GLIS1: variants seen among roughly 807,000 people sequenced by gnomAD.
GLIS1 encodes zinc finger protein GLIS1.
GLIS1 carries 24 observed loss-of-function variants against 63.8 expected under a neutral mutation model. The ratio of observed to expected loss-of-function variants is 0.38; its 90% CI spans 0.27 to 0.53. GLIS1 has a LOEUF of 0.53. Ranked by LOEUF, GLIS1 falls within the 20% of genes least tolerant of loss-of-function variation. The pLI is 0.85. For synonymous variants in GLIS1, 450 were observed against 482.5 expected (o/e 0.93, Z 0.88); for missense variants, 1,036 against 1,074.1 (o/e 0.96, Z 0.50).
intron 4 of GLIS1, among the ~76,000 whole-genome samples, chr1:53,590,462 A>G (rs1244595324): frequency 6.6e-6 from 1 of 152,130 alleles, no homozygotes; most frequent in Non-Finnish European, 1.5e-5. Flanking sequence ...CATTGTCATG[A>G]CTTTTCCTTT....
At chr1:53,622,795 C>T (rs1645559450) in intron 2 of GLIS1, among the ~76,000 whole-genome samples, 1 of 152,232 alleles carries the variant, frequency 6.6e-6, no homozygotes, top group African/African-American at 2.4e-5. Flanking sequence ...TGATTTTGGA[C>T]TTCTGGCCTC....
chr1:53,681,980 A>T (rs1646280174), intron 2 of GLIS1, among the ~76,000 whole-genome samples: 1 of 152,080 alleles, frequency 6.6e-6, no homozygotes, highest in Admixed American at 6.5e-5. Flanking sequence ...CACTAACTTA[A>T]ACCACTTTGT....
At chr1:53,678,723 A>G (rs61774765) in intron 2 of GLIS1, among the ~76,000 whole-genome samples, 1,983 of 152,328 alleles carry the variant, frequency 0.013, 22 homozygotes, top group Middle Eastern at 0.058. Flanking sequence ...TGGTACTATC[A>G]GCCAGAACAC....
intron 2 of GLIS1, among the ~76,000 whole-genome samples, chr1:53,606,788 G>A (rs1002284557): frequency 3.9e-5 from 6 of 152,248 alleles, no homozygotes; most frequent in African/African-American, 1.2e-4. Flanking sequence ...CCTGACGCTC[G>A]CGGCCTCACG....
intron 2 of GLIS1, among the ~76,000 whole-genome samples, chr1:53,731,186 G>A (rs1250994542): frequency 6.6e-6 from 1 of 152,162 alleles, no homozygotes; most frequent in East Asian, 1.9e-4. Context: ...CTTCTGAGAA[G>A]CGGTCCCTCC....
intron 2 of GLIS1, among the ~76,000 whole-genome samples, chr1:53,703,539 T>A (rs1646545960): frequency 6.6e-6 from 1 of 150,600 alleles, no homozygotes. Context: ...CTCAGGAGAC[T>A]GAGGCAGGAG....
intron 2 of GLIS1, among the ~76,000 whole-genome samples, chr1:53,725,141 G>T (rs1450739508): frequency 6.6e-6 from 1 of 152,170 alleles, no homozygotes; most frequent in Non-Finnish European, 1.5e-5. Flanking sequence ...GAGGAAAGTT[G>T]TTGGCCTGTA....
At chr1:53,665,481 G>A (rs1646081270) in intron 2 of GLIS1, among the ~76,000 whole-genome samples, 1 of 151,714 alleles carries the variant, frequency 6.6e-6, no homozygotes, top group East Asian at 2.0e-4. Context: ...GTGTAGATGA[G>A]ATCAAGACAG....
chr1:53,558,885 A>C (rs1281684277), intron 4 of GLIS1, among the ~76,000 whole-genome samples: 1 of 152,254 alleles, frequency 6.6e-6, no homozygotes, highest in Non-Finnish European at 1.5e-5. Context: ...ATGTGGCCAG[A>C]AACAAACCAG....
At chr1:53,582,004 A>G (rs1173496560) in intron 4 of GLIS1, among the ~76,000 whole-genome samples, 1 of 152,196 alleles carries the variant, frequency 6.6e-6, no homozygotes, top group African/African-American at 2.4e-5. Context: ...GAGGGGTGGG[A>G]TGACTTGCCC....
intron 4 of GLIS1, among the ~76,000 whole-genome samples, chr1:53,559,061 G>C (rs781222210): frequency 2.0e-5 from 3 of 152,222 alleles, no homozygotes; most frequent in Admixed American, 6.5e-5. Context: ...TGGTAGCAGA[G>C]GTAAGACTCA....
chr1:53,587,414 T>C (rs1645146697), intron 4 of GLIS1, among the ~76,000 whole-genome samples: 2 of 152,152 alleles, frequency 1.3e-5, no homozygotes, highest in South Asian at 4.1e-4. Context: ...CAATCCTAGA[T>C]TGAGTTGAGG....
rs1461212299 is a variant in GLIS1, at chr1:53,598,277, T to C, written c.437+1824A>G. The stretch of plus-strand genomic sequence containing the variant: ...AGAAATGAGGGCCGGGCACGGTGGC[T>C]CACGCCTGTAATCCCAGCACTTTGG... On this transcript the variant is annotated intron_variant, in intron 3 of 10. Transcript: ENST00000628545. This position sits in a 1 kb window ranked among gnomAD's most constrained non-coding sequence, Gnocchi z 4.6. 6.6e-6 allele frequency among the ~76,000 whole-genome samples: 1 copy of C among 152,174 alleles called. No individual in the cohort carries two copies. The highest frequency in any genetic ancestry group is 1.5e-5 in the Non-Finnish European group (1 of 68,040).
In GLIS1 at chr1:53,600,149, G is replaced by A. The variant is rs1645301126; in HGVS notation, c.389C>T (p.Ala130Val). The A allele has an allele frequency of 9.3e-5, 114 of 1,231,594 alleles. No individual in the cohort carries two copies. The highest frequency in any genetic ancestry group is 1.1e-4 in the Non-Finnish European group (112 of 987,580). The allele number at this position is 1,231,594 out of a possible 1,614,324, so 76.3% of individuals were successfully genotyped here. A position where few individuals can be genotyped will look rare whatever the true frequency, so the allele number is the denominator to read the frequency against. ...CAGCCTCTCACAAGCTTGGGGGTGA[G>A]CCCGGGGCGGTGGGCTTCCTGCAGG... ...FLPAGSPPPR[A>V]HPQACERLLH... Residue 130 changes from alanine (A) to valine (V), a missense_variant, in exon 3 of 11, where the codon GCT becomes GTT. By Grantham distance (64) the Ala-to-Val change is moderately conservative (BLOSUM62 0). Around this residue, in one of 3 missense-constraint regions of GLIS1, gnomAD observed 592 missense variants for 593.9 expected, o/e 1.00. Coordinates refer to ENST00000628545, the MANE Select transcript of GLIS1 (RefSeq NM_001367484.1).
At chr1:53,569,739 G>A (rs1644967153) in intron 4 of GLIS1, among the ~76,000 whole-genome samples, 1 of 151,874 alleles carries the variant, frequency 6.6e-6, no homozygotes, top group Non-Finnish European at 1.5e-5. Context: ...AAGAGAATTT[G>A]GCAAGTTGGC....
chr1:53,687,323 G>T (rs145342510), intron 2 of GLIS1, among the ~76,000 whole-genome samples: 1 of 152,162 alleles, frequency 6.6e-6, no homozygotes, highest in Non-Finnish European at 1.5e-5. Context: ...TTTTTAGGGG[G>T]TGGGCAGTGG....
rs1195100989 is a variant in GLIS1, at chr1:53,539,463, T to C, written c.1321-9511A>G. Among the ~76,000 whole-genome samples, 1 of 139,086 alleles carries C rather than the reference T, an allele frequency of 7.2e-6. No individual in the cohort carries two copies. The highest frequency in any genetic ancestry group is 1.5e-5 in the Non-Finnish European group (1 of 64,704). The allele number at this position is 139,086 out of a possible 152,430, so 91.2% of individuals were successfully genotyped here. ...CACATCACAGCACACCCCCAATACA[T>C]ACACATCATACCTCCCACACACACG... On this transcript the variant is annotated intron_variant, in intron 4 of 10. Transcript: ENST00000628545. The surrounding 1 kb of genome is among the most constrained non-coding windows in gnomAD (Gnocchi z 5.0).
intron 2 of GLIS1, among the ~76,000 whole-genome samples, chr1:53,693,464 G>A (rs1235985883): frequency 6.6e-6 from 1 of 152,206 alleles, no homozygotes; most frequent in Non-Finnish European, 1.5e-5. Context: ...TGTGGCCAGA[G>A]GCCAGAACTG....
At chr1:53,541,725 C>A (rs1031337838) in intron 4 of GLIS1, among the ~76,000 whole-genome samples, 3 of 152,222 alleles carry the variant, frequency 2.0e-5, no homozygotes, top group African/African-American at 7.2e-5. Flanking sequence ...CATCCGGTGG[C>A]CAAGTGCCTC....
Sources: allele counts gnomAD v4.1 joint callset (sites outside exome capture counted in the v4.1 genomes callset), GRCh38; gene constraint gnomAD v4.1.1; regional missense constraint gnomAD v4.1.1; non-coding constraint Gnocchi (gnomAD v3.1); transcripts MANE v1.5; gene names NCBI Gene and HGNC (gene_info 2026-07-23, HGNC 2026-07-21).